ARHGAP31: variants seen among roughly 807,000 people sequenced by gnomAD.
The protein encoded by ARHGAP31 is rho GTPase-activating protein 31.
In ARHGAP31, 34 loss-of-function variants were observed where a neutral mutation model predicts 113.9. The ratio of observed to expected loss-of-function variants is 0.30; its 90% CI spans 0.23 to 0.40. The LOEUF is 0.40. ARHGAP31 is among the 10% of genes least tolerant of loss of function. The pLI, the probability that ARHGAP31 is intolerant of heterozygous loss-of-function variation, is 1.00. For missense variants in ARHGAP31, 1,548 were observed against 1,767.1 expected, an observed-to-expected ratio of 0.88 and a Z score of 2.22; for synonymous variants, 650 against 684.8, an observed-to-expected ratio of 0.95 and a Z score of 0.79.
intron 1 of ARHGAP31, among the ~76,000 whole-genome samples, chr3:119,301,126 T>C (rs1278370005): frequency 6.6e-6 from 1 of 152,144 alleles, no homozygotes; most frequent in Admixed American, 6.5e-5. Context: ...ACACAGAGAA[T>C]AGAAACAGCC....
intron 1 of ARHGAP31, among the ~76,000 whole-genome samples, chr3:119,356,903 A>G (rs938212908): frequency 6.6e-6 from 1 of 152,228 alleles, no homozygotes; most frequent in Non-Finnish European, 1.5e-5. Flanking sequence ...TCTGTGGGAT[A>G]AATTTCTAGA....
chr3:119,401,643 T>G (rs889525212), intron 9 of ARHGAP31, among the ~76,000 whole-genome samples, 179 bp from the exon 10 acceptor site: 1 of 152,200 alleles, frequency 6.6e-6, no homozygotes, highest in Non-Finnish European at 1.5e-5. Context: ...TCTGTGCATA[T>G]GAGGAAGTGC....
At chr3:119,409,035 C>T (rs1429125800) in intron 10 of ARHGAP31, among the ~76,000 whole-genome samples, 4 of 152,254 alleles carry the variant, frequency 2.6e-5, no homozygotes, top group East Asian at 1.9e-4. Flanking sequence ...GGCTAGAGCA[C>T]GGTGTCTCAA....
intron 1 of ARHGAP31, among the ~76,000 whole-genome samples, chr3:119,295,330 C>A (rs1265124449): frequency 6.6e-6 from 1 of 151,550 alleles, no homozygotes; most frequent in Non-Finnish European, 1.5e-5. Context: ...CTAAACTTGG[C>A]ACGTTGGAAG....
intron 1 of ARHGAP31, among the ~76,000 whole-genome samples, chr3:119,328,508 T>TA (rs1410927111): frequency 6.6e-6 from 1 of 152,234 alleles, no homozygotes. Flanking sequence ...AGCTACCTGT[T>TA]AGCCGCTATA....
At position 119,294,546 on chromosome 3, in the gene ARHGAP31, G is replaced by C. The variant is rs2079514949; in HGVS notation, c.-359G>C. 1 of 479,478 alleles carries C rather than the reference G, an allele frequency of 2.1e-6. No homozygotes were observed. The highest frequency in any genetic ancestry group is 3.6e-6 in the Non-Finnish European group (1 of 278,668). The allele number at this position is 479,478 out of a possible 1,614,324, so 29.7% of individuals were successfully genotyped here. ...TCTCCGGGGCACTTAGTAAGGGGTG[G>C]GGAGAGCTTGCCCTCCCTCTTAAGC... is the stretch of plus-strand genomic sequence containing the variant. On this transcript the variant is annotated 5_prime_UTR_variant, in exon 1 of 12. Transcript: ENST00000264245.
chr3:119,409,406 A>G, intron 10 of ARHGAP31, 90 bp from the exon 11 acceptor site: 1 of 1,486,038 alleles, frequency 6.7e-7, no homozygotes, highest in South Asian at 1.2e-5. Flanking sequence ...CTTCTGAAAC[A>G]GGGCCAGGAG....
chr3:119,365,484 A>G lies in ARHGAP31; in HGVS notation c.203+66A>G, dbSNP rs17203055. 151,042 of 1,394,956 alleles carry G rather than the reference A, an allele frequency of 0.11. 9,614 individuals carry two copies. Among genetic ancestry groups the G allele is most frequent in the Admixed American group, 0.26 (14,882 of 58,012 alleles). 86.4% of individuals were successfully genotyped at this position (1,394,956 alleles called of 1,614,324 possible). On this transcript the variant is annotated intron_variant, in intron 2 of 11. Coordinates refer to ENST00000264245, the MANE Select transcript of ARHGAP31 (RefSeq NM_020754.4). ...TCCTCCTGTGTCCATGCCTCTGTCC[A>G]TCGGTGTCCAGAGTATTAAAAACCC...
In ARHGAP31 at chr3:119,416,151, A is replaced by T. The variant is rs376338160; in HGVS notation, c.4222A>T (p.Lys1408Ter). The part of the protein sequence containing the change: ...VTPEGVTLRN[K>*]MTIPKNGQRL... ...ACCAGAAGGGGTTACACTTAGGAAT[A>T]AAATGACCATCCCTAAGAATGGCCA... Residue 1408 changes from lysine (K) to a stop codon, truncating the protein, a stop_gained, in exon 12 of 12, where the codon AAA becomes TAA. Coordinates refer to ENST00000264245, the MANE Select transcript of ARHGAP31 (RefSeq NM_020754.4). LOFTEE classifies it high-confidence loss of function. 13 of 1,614,100 alleles carry T rather than the reference A, an allele frequency of 8.1e-6. No individual in the cohort carries two copies. The highest frequency in any genetic ancestry group is 1.1e-5 in the Non-Finnish European group (13 of 1,180,038).
At chr3:119,384,224 C>T (rs530485327) in intron 6 of ARHGAP31, among the ~76,000 whole-genome samples, 1 of 152,268 alleles carries the variant, frequency 6.6e-6, no homozygotes, top group Non-Finnish European at 1.5e-5. Flanking sequence ...CCCATCTCTA[C>T]CCTGTCCTCT....
chr3:119,383,296 C>A, intron 6 of ARHGAP31, 70 bp downstream of exon 6: 2 of 1,592,480 alleles, frequency 1.3e-6, no homozygotes, highest in Non-Finnish European at 1.7e-6. Flanking sequence ...TGGGACTCAA[C>A]AGAAAGTGAG....
chr3:119,401,962 C>G lies in ARHGAP31; in HGVS notation c.1210C>G (p.Pro404Ala), dbSNP rs2080612869. 1.2e-6 allele frequency: 2 copies of G among 1,614,130 alleles called. No individual in the cohort carries two copies. Among genetic ancestry groups the G allele is most frequent in the Non-Finnish European group, 1.7e-6 (2 of 1,180,012 alleles). ...GGGCGAATGGGGCCAGGAGGGGATG[C>G]CTCCCGGGGCTGAGGGTGGCTTTGA... ...QEGEWGQEGM[P>A]PGAEGGFDVS... The change falls in exon 10 of 12, where the codon CCT becomes GCT. Residue 404 changes from proline to alanine, a missense_variant. Pro to Ala is a conservative substitution (Grantham distance 27). Transcript: ENST00000264245.
Position 119,415,558 on chromosome 3 carries a change from C to G in ARHGAP31, c.3629C>G (p.Thr1210Ser). The change falls in exon 12 of 12, where the codon ACC becomes AGC. Residue 1210 changes from threonine to serine, a missense_variant. Transcript: ENST00000264245. ...VPVIPPKIQYTQIPQPLPSQS... is the reference protein window; with the variant it reads ...VPVIPPKIQYSQIPQPLPSQS... ...GTCATCCCTCCCAAGATTCAGTACA[C>G]CCAGATCCCACAGCCCCTGCCCTCT... 6.2e-7 allele frequency: 1 copy of G among 1,614,196 alleles called. No homozygotes were observed.
rs116506999 is a variant in ARHGAP31, at chr3:119,343,061, T to C, written c.101-22255T>C. Among the ~76,000 whole-genome samples the C allele has an allele frequency of 7.4e-3, 1,134 of 152,316 alleles. 19 individuals are homozygous for C. The highest frequency in any genetic ancestry group is 0.026 in the African/African-American group (1,071 of 41,558). On this transcript the variant is annotated intron_variant, in intron 1 of 11. Coordinates refer to ENST00000264245, the MANE Select transcript of ARHGAP31 (RefSeq NM_020754.4). ...GATGAATTTTTCAAAATCAAAAATA[T>C]ATAAACATGTCAGAACAAATCATTC...
chr3:119,342,840 T>G (rs754155717), intron 1 of ARHGAP31, among the ~76,000 whole-genome samples: 4 of 151,700 alleles, frequency 2.6e-5, no homozygotes, highest in Non-Finnish European at 5.9e-5. Flanking sequence ...TCCCCACTAC[T>G]CGGGAGGCTG....
Position 119,380,385 on chromosome 3 carries a change from T to C in ARHGAP31, c.349-519T>C, listed in dbSNP as rs151259804. ...TATCTGTCTCATTTATTTATTTACT[T>C]GCTTGTTATTTATTTATGTATTCAT... is the stretch of plus-strand genomic sequence containing the variant. On this transcript the variant is annotated intron_variant, in intron 3 of 11. Coordinates refer to ENST00000264245, the MANE Select transcript of ARHGAP31 (RefSeq NM_020754.4). Among the ~76,000 whole-genome samples, 162 of 145,486 alleles carry C rather than the reference T, an allele frequency of 1.1e-3. 2 individuals are homozygous for C. The highest frequency in any genetic ancestry group is 4.1e-3 in the African/African-American group (157 of 38,602).
intron 8 of ARHGAP31, among the ~76,000 whole-genome samples, chr3:119,397,510 A>G (rs185156781): frequency 6.6e-6 from 1 of 152,354 alleles, no homozygotes; most frequent in Admixed American, 6.5e-5. Flanking sequence ...CAATTTATAG[A>G]TTTGTGGAAA....
At chr3:119,404,303 T>C (rs1459701496) in intron 10 of ARHGAP31, among the ~76,000 whole-genome samples, 2 of 152,202 alleles carry the variant, frequency 1.3e-5, no homozygotes, top group Non-Finnish European at 2.9e-5. Context: ...TAAATAAGAA[T>C]ACACATTTTG....
Position 119,415,577 on chromosome 3 carries a change from G to T in ARHGAP31, c.3648G>T (p.Leu1216=). 6.2e-7 allele frequency: 1 copy of T among 1,614,130 alleles called. No individual in the cohort carries two copies. Among genetic ancestry groups the T allele is most frequent in the Non-Finnish European group, 8.5e-7 (1 of 1,180,012 alleles). Reference sequence around the variant, plus strand: ...AGTACACCCAGATCCCACAGCCCCTGCCCTCTCAGAGCTCAGGGGAGAATG... The same window carrying T: ...AGTACACCCAGATCCCACAGCCCCTTCCCTCTCAGAGCTCAGGGGAGAATG... ...KIQYTQIPQP[L]PSQSSGENGV... The change falls in exon 12 of 12, where the codon CTG becomes CTT. Residue 1216 remains leucine (L), a synonymous_variant. Coordinates refer to ENST00000264245, the MANE Select transcript of ARHGAP31 (RefSeq NM_020754.4).
Sources: allele counts gnomAD v4.1 joint callset (sites outside exome capture counted in the v4.1 genomes callset), GRCh38; gene constraint gnomAD v4.1.1; transcripts MANE v1.5; gene names NCBI Gene and HGNC (gene_info 2026-07-23, HGNC 2026-07-21).